The following BRINP3 variants were observed in gnomAD, a reference collection of about 807,000 sequenced individuals.
BRINP3 encodes the protein BMP/retinoic acid-inducible neural-specific protein 3.
Under a neutral mutation model 71.0 loss-of-function variants are expected in BRINP3, and 19 were observed. The observed-to-expected ratio is 0.27, with a 90% CI of 0.19 to 0.39. The LOEUF is 0.39. Ranked by LOEUF, BRINP3 falls within the 10% of genes least tolerant of loss-of-function variation. BRINP3 has a pLI of 1.00. For missense variants in BRINP3, 959 were observed against 940.8 expected (o/e 1.02, Z -0.25); for synonymous variants, 380 against 337.7 (o/e 1.13, Z -1.37).
At chr1:190,332,112 T>A (rs1357526968) in intron 2 of BRINP3, among the ~76,000 whole-genome samples, 2 of 152,104 alleles carry the variant, frequency 1.3e-5, no homozygotes, top group African/African-American at 4.8e-5. Context: ...AATAATTATA[T>A]ATGCCTATTT....
intron 6 of BRINP3, among the ~76,000 whole-genome samples, chr1:190,166,309 C>T (rs989492187): frequency 6.6e-6 from 1 of 152,120 alleles, no homozygotes; most frequent in Non-Finnish European, 1.5e-5. Flanking sequence ...ATAAGGTATG[C>T]TGTTTCTCAC....
chr1:190,236,748 T>C (rs1486508052), intron 4 of BRINP3, among the ~76,000 whole-genome samples: 1 of 151,976 alleles, frequency 6.6e-6, no homozygotes, highest in African/African-American at 2.4e-5. Context: ...TAAATATAAA[T>C]TAGTGACAGC....
intron 4 of BRINP3, among the ~76,000 whole-genome samples, chr1:190,246,813 A>C (rs1659656336): frequency 6.6e-6 from 1 of 151,958 alleles, no homozygotes; most frequent in African/African-American, 2.4e-5. Flanking sequence ...TTCTACCAGC[A>C]GCCCTTTTCA....
chr1:190,100,047 T>C (rs543153191), intron 7 of BRINP3, among the ~76,000 whole-genome samples: 187 of 152,290 alleles, frequency 1.2e-3, no homozygotes, highest in Non-Finnish European at 2.3e-3. Flanking sequence ...TGTATGATCA[T>C]GGGAAAAGTT....
chr1:190,394,221 C>T (rs1290709328), intron 2 of BRINP3, among the ~76,000 whole-genome samples: 1 of 151,504 alleles, frequency 6.6e-6, no homozygotes, highest in African/African-American at 2.4e-5. Context: ...ATTTATAATA[C>T]TTTAAAATAC....
chr1:190,388,610 C>A (rs1055617102), intron 2 of BRINP3, among the ~76,000 whole-genome samples: 1 of 151,674 alleles, frequency 6.6e-6, no homozygotes, highest in African/African-American at 2.4e-5. Flanking sequence ...TCCTCCATGT[C>A]CTTCAGAGAG....
chr1:190,403,610 G>T (rs1252682307), intron 2 of BRINP3, among the ~76,000 whole-genome samples: 1 of 152,206 alleles, frequency 6.6e-6, no homozygotes, highest in African/African-American at 2.4e-5. Flanking sequence ...ATGGTTTAAT[G>T]ATCGCATGAG....
intron 2 of BRINP3, among the ~76,000 whole-genome samples, chr1:190,291,574 C>A (rs918133966): frequency 1.3e-5 from 2 of 152,178 alleles, no homozygotes; most frequent in South Asian, 4.1e-4. Flanking sequence ...CACTAATCAT[C>A]AGGGAAATGC....
chr1:190,124,611 T>C (rs1653943351), intron 7 of BRINP3, among the ~76,000 whole-genome samples: 1 of 152,256 alleles, frequency 6.6e-6, no homozygotes, highest in African/African-American at 2.4e-5. Flanking sequence ...AGTTTATAAC[T>C]ATTTTAGGAA....
chr1:190,283,560 T>G (rs1663197042), intron 2 of BRINP3, among the ~76,000 whole-genome samples: 1 of 151,264 alleles, frequency 6.6e-6, no homozygotes, highest in African/African-American at 2.4e-5. Context: ...ATCAATAAAT[T>G]TTTATGTTAG....
chr1:190,391,014 A>C (rs1671220167), intron 2 of BRINP3, among the ~76,000 whole-genome samples: 1 of 151,828 alleles, frequency 6.6e-6, no homozygotes, highest in Non-Finnish European at 1.5e-5. Flanking sequence ...CAAATCTATA[A>C]TTGCTGAGCA....
intron 3 of BRINP3, among the ~76,000 whole-genome samples, chr1:190,269,157 C>T (rs1180558670): frequency 6.6e-6 from 1 of 151,998 alleles, no homozygotes; most frequent in Admixed American, 6.6e-5. Context: ...ATAACAAGTA[C>T]ATGTGGAAAC....
intron 2 of BRINP3, among the ~76,000 whole-genome samples, chr1:190,444,239 CAAAAAAAAAAAA>C (rs764014934): frequency 2.8e-4 from 16 of 56,320 alleles, no homozygotes; most frequent in South Asian, 1.2e-3. Context: ...AACTCCGTCT[CAAAAAAAAAAAA>C]AAAAAAAAAA....
intron 2 of BRINP3, among the ~76,000 whole-genome samples, chr1:190,323,552 AAAT>A (rs1345847383): frequency 1.3e-5 from 2 of 151,824 alleles, no homozygotes; most frequent in African/African-American, 4.8e-5. Flanking sequence ...GGAACGAATA[AAAT>A]AATAATTTAA....
intron 2 of BRINP3, among the ~76,000 whole-genome samples, chr1:190,367,784 TC>T (rs1669605033): frequency 1.3e-5 from 2 of 152,134 alleles, no homozygotes; most frequent in African/African-American, 4.8e-5. Flanking sequence ...TTACTCAAGT[TC>T]CCAAGTTCCT....
At chr1:190,412,456 GTTTTTTTTTGTTTTTTTTT>G (rs970847359) in intron 2 of BRINP3, among the ~76,000 whole-genome samples, 1 of 119,372 alleles carries the variant, frequency 8.4e-6, no homozygotes, top group Non-Finnish European at 1.8e-5. Flanking sequence ...GTTTTGTTTT[GTTTTTTTTTGTTTTTTTTT>G]TTTTTGAGAC....
chr1:190,303,156 A>G (rs948222668), intron 2 of BRINP3, among the ~76,000 whole-genome samples: 1 of 151,698 alleles, frequency 6.6e-6, no homozygotes, highest in Non-Finnish European at 1.5e-5. Flanking sequence ...AACTTTTTAA[A>G]AATTTAAAGG....
chr1:190,472,254 G>T lies in BRINP3; in HGVS notation c.-51+5194C>A, dbSNP rs146574514. Among the ~76,000 whole-genome samples, 294 of 151,670 alleles carry T rather than the reference G, an allele frequency of 1.9e-3. 2 individuals are homozygous for T. Among genetic ancestry groups the T allele is most frequent in the African/African-American group, 6.5e-3 (268 of 41,484 alleles). The stretch of plus-strand genomic sequence containing the variant: ...AAGAGTGGTCAAGAAATCTTACCAG[G>T]AGTACATTAATGCCAGGTAGAACTA... On this transcript the variant is annotated intron_variant, in intron 1 of 7. Coordinates refer to ENST00000367462, the MANE Select transcript of BRINP3 (RefSeq NM_199051.3).
chr1:190,266,565 C>T (rs996031042), intron 3 of BRINP3, among the ~76,000 whole-genome samples: 1 of 151,966 alleles, frequency 6.6e-6, no homozygotes, highest in Non-Finnish European at 1.5e-5. Flanking sequence ...GGAGTAGAGG[C>T]AGCTAAAAGA....
Sources: gnomAD v4.1 joint callset for allele counts (sites outside exome capture counted in the v4.1 genomes callset) on GRCh38, gnomAD v4.1.1 for gene constraint, MANE v1.5 for transcripts, NCBI Gene and HGNC (gene_info 2026-07-23, HGNC 2026-07-21) for gene names.